The following APBB1IP variants were observed in gnomAD, a reference collection of about 807,000 sequenced individuals.
The protein encoded by APBB1IP is amyloid beta A4 precursor protein-binding family B member 1-interacting protein.
Under a neutral mutation model 64.9 loss-of-function variants are expected in APBB1IP, and 27 were observed. The observed-to-expected ratio is 0.42, with a 90% CI of 0.31 to 0.57. The LOEUF (loss-of-function observed/expected upper bound fraction) is 0.57, where lower values mean the gene tolerates loss of function less well. Among genes scored for constraint, APBB1IP ranks in the 20% least tolerant of loss-of-function variants. The pLI is 0.20. For missense variants in APBB1IP, 812 were observed against 845.5 expected (o/e 0.96, Z 0.49); for synonymous variants, 392 against 331.0 (o/e 1.18, Z -2.00).
chr10:26,512,200 T>G (rs1836270132), intron 7 of APBB1IP, among the ~76,000 whole-genome samples: 1 of 152,198 alleles, frequency 6.6e-6, no homozygotes, highest in African/African-American at 2.4e-5. Flanking sequence ...GCTTGACTCT[T>G]CATTTCATTG....
intron 2 of APBB1IP, among the ~76,000 whole-genome samples, chr10:26,489,255 G>A (rs998293441): frequency 7.9e-5 from 12 of 152,212 alleles, no homozygotes; most frequent in South Asian, 4.1e-4. Flanking sequence ...AAGAGGGAGT[G>A]ACTAGAAGGA....
At chr10:26,475,070 T>C (rs922444278) in intron 2 of APBB1IP, among the ~76,000 whole-genome samples, 4 of 152,234 alleles carry the variant, frequency 2.6e-5, no homozygotes, top group African/African-American at 9.6e-5. Context: ...AGCAGGTTTC[T>C]GTTTGACTCT....
intron 2 of APBB1IP, among the ~76,000 whole-genome samples, chr10:26,463,092 G>A (rs541374734): frequency 9.2e-5 from 14 of 152,260 alleles, no homozygotes; most frequent in African/African-American, 2.6e-4. Flanking sequence ...GTTATTTGCC[G>A]AAGCCAGCAA....
chr10:26,494,262 G>A (rs74678459), intron 3 of APBB1IP, among the ~76,000 whole-genome samples: 53 of 152,304 alleles, frequency 3.5e-4, no homozygotes, highest in East Asian at 3.3e-3. Context: ...CACTGTCAGC[G>A]CCACTACAGC....
intron 2 of APBB1IP, among the ~76,000 whole-genome samples, chr10:26,444,328 A>C (rs1835368960): frequency 6.6e-6 from 1 of 152,180 alleles, no homozygotes; most frequent in African/African-American, 2.4e-5. Context: ...TTTGACTTTC[A>C]CACCGAGCAA....
rs566538446 is a variant in APBB1IP at position 26,567,198 on chromosome 10, C to T, written c.1711C>T (p.Pro571Ser). Residue 571 changes from proline to serine, a missense_variant, in exon 15 of 15, where the codon CCG becomes TCG. This residue lies in a region of APBB1IP where 381 missense variants were observed against 352.1 expected (regional missense o/e 1.08). Transcript: ENST00000376236. ...CCTCGATGACCCTGAGCTCCCGCCG[C>T]CGCCCCCGGACTTCATGGAGCCGCC... The part of the protein sequence containing the change: ...PPLDDPELPP[P>S]PPDFMEPPPD... The T allele has an allele frequency of 6.2e-5, 86 of 1,396,662 alleles. 2 individuals are homozygous for T. In the South Asian group the frequency reaches 9.7e-4, roughly 16 times the overall value. 86.5% of individuals were successfully genotyped at this position (1,396,662 alleles called of 1,614,324 possible).
rs1000838767 is a variant in APBB1IP at position 26,492,198 on chromosome 10, C to G, written c.1-129C>G. ...ATTTCAGGCTAACATAAGCCTTCCT[C>G]TCAATATAGTCCTCTCCCAACTTAG... is the stretch of plus-strand genomic sequence containing the variant. On this transcript the variant is annotated intron_variant, in intron 2 of 14. Transcript: ENST00000376236. 5.5e-5 allele frequency: 39 copies of G among 706,312 alleles called. No individual in the cohort carries two copies. The East Asian group carries it at 1.1e-3, about 20-fold the overall frequency. 43.8% of individuals were successfully genotyped at this position (706,312 alleles called of 1,614,324 possible). A position where few individuals can be genotyped will look rare whatever the true frequency, so the allele number is the denominator to read the frequency against.
At position 26,528,948 on chromosome 10, in the gene APBB1IP, G is replaced by T. The variant is rs896781116; in HGVS notation, c.814-4491G>T. ...TGAGATATGTCCCTCCCCAAAGAAA[G>T]AACAGGGATGTTTTACATGTATAAA... is the stretch of plus-strand genomic sequence containing the variant. On this transcript the variant is annotated intron_variant, in intron 8 of 14. Coordinates refer to ENST00000376236, the MANE Select transcript of APBB1IP (RefSeq NM_019043.4). Among the ~76,000 whole-genome samples the T allele has an allele frequency of 8.5e-5, 13 of 152,266 alleles. 1 individual carries two copies. Among genetic ancestry groups the T allele is most frequent in the Middle Eastern group, 6.8e-3 (2 of 294 alleles).
intron 2 of APBB1IP, among the ~76,000 whole-genome samples, chr10:26,489,985 A>G (rs1330512337): frequency 6.6e-6 from 1 of 152,204 alleles, no homozygotes; most frequent in African/African-American, 2.4e-5. Flanking sequence ...AGATCAGGCC[A>G]TTGCACTCCA....
At chr10:26,537,630 G>C (rs1052737255) in intron 10 of APBB1IP, among the ~76,000 whole-genome samples, 12 of 152,152 alleles carry the variant, frequency 7.9e-5, no homozygotes, top group African/African-American at 2.4e-4. Flanking sequence ...TCTGTGATGA[G>C]AATTAAAAGT....
At chr10:26,483,237 A>G (rs950740161) in intron 2 of APBB1IP, among the ~76,000 whole-genome samples, 2 of 152,154 alleles carry the variant, frequency 1.3e-5, no homozygotes, top group Admixed American at 6.6e-5. Context: ...ACACAGAAAA[A>G]TCTTCCAGAA....
chr10:26,548,741 G>A (rs562623702), intron 11 of APBB1IP, among the ~76,000 whole-genome samples: 1 of 152,088 alleles, frequency 6.6e-6, no homozygotes, highest in African/African-American at 2.4e-5. Flanking sequence ...AGTTTTTTTG[G>A]TGGAGTCTTT....
intron 5 of APBB1IP, 174 bp downstream of exon 5, chr10:26,501,285 C>A: frequency 1.2e-6 from 1 of 829,490 alleles, no homozygotes; most frequent in Non-Finnish European, 1.8e-6. Context: ...AAGCAAGCCA[C>A]ATGGGTGTGT....
chr10:26,567,110 A>G lies in APBB1IP; in HGVS notation c.1623A>G (p.Thr541=). The G allele has an allele frequency of 7.0e-7, 1 of 1,431,096 alleles. No homozygotes were observed. Among genetic ancestry groups the G allele is most frequent in the African/African-American group, 1.5e-5 (1 of 65,606 alleles). The allele number at this position is 1,431,096 out of a possible 1,614,324, so 88.6% of individuals were successfully genotyped here. The change falls in exon 15 of 15, where the codon ACA becomes ACG. Residue 541 remains threonine (T), a synonymous_variant. Transcript: ENST00000376236. ...CCACGCCCCTCAAGGCCAAGGGCAC[A>G]GGCGGCGGGGGCTTGCCCGCCCCAC... is the stretch of plus-strand genomic sequence containing the variant. ...SPATPLKAKG[T]GGGGLPAPPD... is the part of the protein sequence containing the mutation.
intron 2 of APBB1IP, among the ~76,000 whole-genome samples, chr10:26,464,398 ATTTAT>A: frequency 6.6e-6 from 1 of 152,150 alleles, no homozygotes; most frequent in African/African-American, 2.4e-5. Context: ...CTCGTGACAA[ATTTAT>A]TTTATTTTAT....
At chr10:26,474,507 C>CA (rs1835754229) in intron 2 of APBB1IP, among the ~76,000 whole-genome samples, 1 of 152,150 alleles carries the variant, frequency 6.6e-6, no homozygotes, top group Admixed American at 6.5e-5. Flanking sequence ...GTTCTCTCCA[C>CA]AAAAATAATA....
intron 2 of APBB1IP, among the ~76,000 whole-genome samples, chr10:26,439,127 G>C (rs1835312329): frequency 6.6e-6 from 1 of 152,102 alleles, no homozygotes; most frequent in Admixed American, 6.5e-5. Context: ...CAACAGATTT[G>C]ACAGATTTCC....
At chr10:26,463,075 G>C (rs562193780) in intron 2 of APBB1IP, among the ~76,000 whole-genome samples, 1 of 152,140 alleles carries the variant, frequency 6.6e-6, no homozygotes. Context: ...TTCAGCCATC[G>C]TTGAGCGTTA....
chr10:26,476,684 A>ACAGTAAATGTGATCATGCT (rs1221971622), intron 2 of APBB1IP, among the ~76,000 whole-genome samples: 1 of 152,202 alleles, frequency 6.6e-6, no homozygotes, highest in East Asian at 1.9e-4. Flanking sequence ...CAGTAAATGT[A>ACAGTAAATGTGATCATGCT]CAGTAAATGT....
Sources: allele counts gnomAD v4.1 joint callset (sites outside exome capture counted in the v4.1 genomes callset), GRCh38; gene constraint gnomAD v4.1.1; regional missense constraint gnomAD v4.1.1; transcripts MANE v1.5; gene names NCBI Gene and HGNC (gene_info 2026-07-23, HGNC 2026-07-21).